The following CPNE4 variants were observed in gnomAD, a reference collection of about 807,000 sequenced individuals.
The protein encoded by CPNE4 is copine-4.
A neutral mutation model predicts 67.9 loss-of-function variants in CPNE4; 25 were observed. The observed-to-expected ratio is 0.37, with a 90% CI of 0.27 to 0.51. CPNE4 has a LOEUF of 0.51. Ranked by LOEUF, CPNE4 falls within the 20% of genes least tolerant of loss-of-function variation. CPNE4 has a pLI of 0.93. For synonymous variants in CPNE4, 242 were observed against 244.9 expected (o/e 0.99, Z 0.11); for missense variants, 464 against 690.8 (o/e 0.67, Z 3.68).
At chr3:131,998,253 G>A (rs1448824718) in intron 1 of CPNE4, among the ~76,000 whole-genome samples, 1 of 152,088 alleles carries the variant, frequency 6.6e-6, no homozygotes, top group Non-Finnish European at 1.5e-5. Flanking sequence ...AACAATCCAT[G>A]AGCAAGACAA....
intron 10 of CPNE4, among the ~76,000 whole-genome samples, chr3:131,565,778 C>A (rs1242180668): frequency 7.0e-6 from 1 of 143,572 alleles, no homozygotes; most frequent in African/African-American, 2.6e-5. Flanking sequence ...TTCTTAAAAT[C>A]AGGGGATGCC....
At chr3:132,023,905 G>A (rs1482104582) in intron 1 of CPNE4, among the ~76,000 whole-genome samples, 1 of 152,084 alleles carries the variant, frequency 6.6e-6, no homozygotes, top group African/African-American at 2.4e-5. Context: ...CATCTTTGAT[G>A]GCTACAAAAA....
chr3:132,037,539 CT>C, upstream of CPNE4: 1 of 1,532,624 alleles, frequency 6.5e-7, no homozygotes, highest in Non-Finnish European at 8.7e-7. Flanking sequence ...TCAAAATCCC[CT>C]TGTCTCTATC....
chr3:131,628,882 T>C (rs2079148799), intron 7 of CPNE4, among the ~76,000 whole-genome samples: 1 of 151,992 alleles, frequency 6.6e-6, no homozygotes, highest in Non-Finnish European at 1.5e-5. Context: ...TGAAGGGTTT[T>C]TTGTGTCTCT....
At chr3:131,805,478 C>T (rs183230290) in intron 2 of CPNE4, among the ~76,000 whole-genome samples, 3 of 152,260 alleles carry the variant, frequency 2.0e-5, no homozygotes, top group East Asian at 1.9e-4. Flanking sequence ...TAAACAAATT[C>T]GATCCTCATT....
intron 7 of CPNE4, among the ~76,000 whole-genome samples, chr3:131,646,770 T>A (rs2079677408): frequency 6.6e-6 from 1 of 152,196 alleles, no homozygotes; most frequent in Admixed American, 6.5e-5. Flanking sequence ...AGGAATCAAA[T>A]GAGCTGGTTG....
At chr3:131,630,584 A>T (rs908019233) in intron 7 of CPNE4, among the ~76,000 whole-genome samples, 2 of 152,224 alleles carry the variant, frequency 1.3e-5, no homozygotes, top group African/African-American at 4.8e-5. Context: ...GGCTATTTAA[A>T]TTTTAAACAA....
chr3:131,844,542 C>T (rs1171212566), intron 2 of CPNE4, among the ~76,000 whole-genome samples: 2 of 152,090 alleles, frequency 1.3e-5, no homozygotes, highest in Non-Finnish European at 2.9e-5. Flanking sequence ...TGCTCAGTCA[C>T]CACGCCCAGC....
At chr3:131,764,359 G>C (rs1400012442) in intron 2 of CPNE4, among the ~76,000 whole-genome samples, 1 of 151,492 alleles carries the variant, frequency 6.6e-6, no homozygotes, top group Non-Finnish European at 1.5e-5. Flanking sequence ...TAGTTATTTT[G>C]GGGTGACATC....
chr3:131,832,176 T>C (rs2085398820), intron 2 of CPNE4, among the ~76,000 whole-genome samples: 1 of 152,230 alleles, frequency 6.6e-6, no homozygotes, highest in Non-Finnish European at 1.5e-5. Flanking sequence ...AGAAGTCTTA[T>C]ATAGCAAGTA....
chr3:131,550,679 G>C (rs1936123487), intron 13 of CPNE4, among the ~76,000 whole-genome samples: 1 of 152,084 alleles, frequency 6.6e-6, no homozygotes, highest in Non-Finnish European at 1.5e-5. Context: ...TTTCCCCAAA[G>C]AGCTTGAGGC....
chr3:132,023,220 T>C (rs2074036461), intron 1 of CPNE4, among the ~76,000 whole-genome samples: 1 of 152,188 alleles, frequency 6.6e-6, no homozygotes, highest in African/African-American at 2.4e-5. Flanking sequence ...CTTTTTTCTC[T>C]TGCTTTAATG....
At chr3:131,654,241 C>G (rs2079890677) in intron 7 of CPNE4, among the ~76,000 whole-genome samples, 2 of 152,020 alleles carry the variant, frequency 1.3e-5, no homozygotes, top group African/African-American at 2.4e-5. Flanking sequence ...TGGGCTTCCT[C>G]ATCTATTGTT....
chr3:131,606,411 T>C (rs1156311300), intron 7 of CPNE4, among the ~76,000 whole-genome samples: 1 of 152,190 alleles, frequency 6.6e-6, no homozygotes, highest in East Asian at 1.9e-4. Flanking sequence ...AAAATAGTTT[T>C]GCTACTGCTA....
rs562541729 is a variant in CPNE4 at position 131,906,689 on chromosome 3, C to T, written c.-1-1245G>A. Among the ~76,000 whole-genome samples, 53 of 151,816 alleles carry T rather than the reference C, an allele frequency of 3.5e-4. No individual in the cohort carries two copies. The Middle Eastern group carries it at 0.014, about 39-fold the overall frequency. On this transcript the variant is annotated intron_variant, in intron 1 of 15. Transcript: ENST00000429747. Reference sequence around the variant, plus strand: ...TGGGTTGTTTCCAAGTCTTTGCTATCGTGAATAGTGCCGCAATAAACATAC... The same window carrying T: ...TGGGTTGTTTCCAAGTCTTTGCTATTGTGAATAGTGCCGCAATAAACATAC...
chr3:131,562,213 A>C (rs1046278702), intron 11 of CPNE4, among the ~76,000 whole-genome samples: 1 of 152,078 alleles, frequency 6.6e-6, no homozygotes, highest in Non-Finnish European at 1.5e-5. Context: ...CAAAGGGATA[A>C]AAGCTTTACA....
chr3:131,792,678 T>C lies in CPNE4; in HGVS notation c.181-69053A>G, dbSNP rs1464460102. 8.1e-5 allele frequency among the ~76,000 whole-genome samples: 5 copies of C among 61,568 alleles called. 1 individual carries two copies. Among genetic ancestry groups the C allele is most frequent in the African/African-American group, 3.1e-4 (5 of 16,132 alleles). The allele number at this position is 61,568 out of a possible 152,430, so 40.4% of individuals were successfully genotyped here. A position where few individuals can be genotyped will look rare whatever the true frequency, so the allele number is the denominator to read the frequency against. ...ATACACACGTGTATATATACATATA[T>C]ACACACGTGTATATATACATATACA... On this transcript the variant is annotated intron_variant, in intron 2 of 15. Coordinates refer to ENST00000429747, the MANE Select transcript of CPNE4 (RefSeq NM_130808.3).
At chr3:131,968,740 C>G (rs2072424944) in intron 1 of CPNE4, among the ~76,000 whole-genome samples, 1 of 152,118 alleles carries the variant, frequency 6.6e-6, no homozygotes, top group African/African-American at 2.4e-5. Flanking sequence ...AATAGGAACA[C>G]TTTTTTACAC....
chr3:131,746,175 G>C (rs79497439), intron 2 of CPNE4, among the ~76,000 whole-genome samples: 14 of 152,050 alleles, frequency 9.2e-5, no homozygotes, highest in African/African-American at 3.4e-4. Context: ...CATATTTATG[G>C]GGTACAACGT....
Sources: gnomAD v4.1 joint callset for allele counts (sites outside exome capture counted in the v4.1 genomes callset) on GRCh38, gnomAD v4.1.1 for gene constraint, MANE v1.5 for transcripts, NCBI Gene and HGNC (gene_info 2026-07-23, HGNC 2026-07-21) for gene names.